Variants in HMBOX1 observed in about 807,000 individuals in gnomAD.
HMBOX1 encodes the protein homeobox containing 1.
Under a neutral mutation model 54.5 loss-of-function variants are expected in HMBOX1, and 14 were observed. The observed-to-expected ratio is 0.26, with a 90% CI of 0.17 to 0.40. The LOEUF is 0.40. HMBOX1 is among the 10% of genes least tolerant of loss of function. The probability of loss-of-function intolerance (pLI) is 1.00; values close to 1 mark genes in which losing one functional copy is unlikely to be tolerated. For missense variants in HMBOX1, 332 were observed against 514.4 expected (o/e 0.65, Z 3.43); for synonymous variants, 160 against 181.0 (o/e 0.88, Z 0.93).
intron 6 of HMBOX1, among the ~76,000 whole-genome samples, chr8:29,028,415 G>T (rs760502590): frequency 6.6e-6 from 1 of 152,158 alleles, no homozygotes; most frequent in Admixed American, 6.5e-5. Context: ...CTTGTAAAGC[G>T]ATTTCTAGAA....
intron 1 of HMBOX1, among the ~76,000 whole-genome samples, chr8:28,937,269 C>G (rs772517732): frequency 3.9e-5 from 6 of 152,168 alleles, no homozygotes; most frequent in Non-Finnish European, 8.8e-5. Flanking sequence ...CTGTTTTTCT[C>G]ATTATCAGTT....
chr8:28,954,876 T>C (rs1478902855), intron 1 of HMBOX1, among the ~76,000 whole-genome samples: 1 of 152,198 alleles, frequency 6.6e-6, no homozygotes, highest in Non-Finnish European at 1.5e-5. Flanking sequence ...TTACTTTTTT[T>C]CTGTACCTTA....
At position 28,890,615 on chromosome 8, in the gene HMBOX1, C is replaced by T. The variant is rs1028298753; in HGVS notation, c.-121C>T. 4.6e-5 allele frequency: 7 copies of T among 152,992 alleles called. No homozygotes were observed. Among genetic ancestry groups the T allele is most frequent in the African/African-American group, 1.2e-4 (5 of 41,456 alleles). The allele number at this position is 152,992 out of a possible 1,614,324, so 9.5% of individuals were successfully genotyped here. ...GCCTTCCCTCCTCCCTATCTCAGCC[C>T]TTCGTACTGGGACGTTGGGGAGGGG... On this transcript the variant is annotated 5_prime_UTR_variant, in exon 1 of 10. Transcript: ENST00000287701.
At chr8:29,021,444 G>GA (rs963588436) in intron 6 of HMBOX1, among the ~76,000 whole-genome samples, 13 of 149,746 alleles carry the variant, frequency 8.7e-5, no homozygotes, top group Middle Eastern at 3.4e-3. Flanking sequence ...AGACAAATTG[G>GA]AAAAAAAAAT....
chr8:28,960,054 A>G (rs1448519588), intron 1 of HMBOX1, among the ~76,000 whole-genome samples: 1 of 151,558 alleles, frequency 6.6e-6, no homozygotes, highest in Non-Finnish European at 1.5e-5. Context: ...TAATTATTTA[A>G]TAGTCTTTCA....
At position 28,963,849 on chromosome 8, in the gene HMBOX1, G is replaced by T; in HGVS notation, c.-19G>T. ...GCAGATCATCTCTGGAAAGGATATT[G>T]ATCCGCCTCATGTAAAGTATGCTTA... On this transcript the variant is annotated 5_prime_UTR_variant, in exon 2 of 10. It removes the in-frame stop codon of an upstream open reading frame in the 5' UTR. Coordinates refer to ENST00000287701, the MANE Select transcript of HMBOX1 (RefSeq NM_001135726.3). 6.3e-7 allele frequency: 1 copy of T among 1,596,206 alleles called. No homozygotes were observed. The highest frequency in any genetic ancestry group is 8.6e-7 in the Non-Finnish European group (1 of 1,168,620).
Position 28,970,651 on chromosome 8 carries a change from C to T in HMBOX1, c.500+132C>T. ...CTCTAGCTATAAGAACTGTAACTTC[C>T]TCCTCCCACCTTTGGAGATGAAAGA... On this transcript the variant is annotated intron_variant, in intron 3 of 9. Transcript: ENST00000287701. The surrounding 1 kb of genome is among the most constrained non-coding windows in gnomAD (Gnocchi z 4.3). 1.7e-6 allele frequency: 1 copy of T among 582,302 alleles called. No homozygotes were observed. Among genetic ancestry groups the T allele is most frequent in the Non-Finnish European group, 3.0e-6 (1 of 333,450 alleles). 36.1% of individuals were successfully genotyped at this position (582,302 alleles called of 1,614,324 possible).
At chr8:29,006,481 A>T (rs895084325) in intron 4 of HMBOX1, among the ~76,000 whole-genome samples, 2 of 152,210 alleles carry the variant, frequency 1.3e-5, no homozygotes, top group African/African-American at 4.8e-5. Flanking sequence ...AGCAGTTATC[A>T]TCTGTTTCCC....
chr8:28,947,271 A>G (rs1476816033), intron 1 of HMBOX1, among the ~76,000 whole-genome samples: 3 of 152,222 alleles, frequency 2.0e-5, no homozygotes, highest in Admixed American at 6.5e-5. Context: ...TTACAGTATC[A>G]TGAGTATTGG....
chr8:29,012,216 T>G (rs2132880222), intron 5 of HMBOX1, among the ~76,000 whole-genome samples: 1 of 152,364 alleles, frequency 6.6e-6, no homozygotes, highest in East Asian at 1.9e-4. Context: ...TTTGTTTTGT[T>G]GACTAAAATA....
intron 1 of HMBOX1, among the ~76,000 whole-genome samples, chr8:28,913,855 C>CTTT (rs1304959910): frequency 1.0e-3 from 106 of 101,252 alleles, no homozygotes; most frequent in African/African-American, 1.4e-3. Context: ...TCAAGTGATT[C>CTTT]TTTTTTTTTT....
chr8:29,047,562 C>CTTTT, intron 8 of HMBOX1, 109 bp downstream of exon 8: 2 of 414,426 alleles, frequency 4.8e-6, no homozygotes, highest in East Asian at 4.4e-5. Context: ...ATCCTAACTT[C>CTTTT]TCTTTTTTTT....
In HMBOX1 at chr8:29,018,896, C is replaced by T. The variant is rs776494585; in HGVS notation, c.834C>T (p.Cys278=). ...GTCGATTTACCTGGAGAAAGGAGTG[C>T]CTGGCTGTTATGGAAAGGTATGTGT... The part of the protein sequence containing the change: ...RGSRFTWRKE[C]LAVMESYFNE... The change falls in exon 6 of 10, where the codon TGC becomes TGT. Residue 278 remains cysteine, a synonymous_variant. Coordinates refer to ENST00000287701, the MANE Select transcript of HMBOX1 (RefSeq NM_001135726.3). 6.2e-7 allele frequency: 1 copy of T among 1,614,070 alleles called. No homozygotes were observed. The highest frequency in any genetic ancestry group is 1.7e-5 in the Admixed American group (1 of 60,024).
chr8:28,943,823 A>G (rs1821904491), intron 1 of HMBOX1, among the ~76,000 whole-genome samples: 4 of 152,190 alleles, frequency 2.6e-5, no homozygotes, highest in Admixed American at 2.6e-4. Flanking sequence ...GTCCTGTATC[A>G]AGGGATTACA....
intron 5 of HMBOX1, among the ~76,000 whole-genome samples, chr8:29,017,079 T>C (rs1338617405): frequency 5.9e-5 from 9 of 152,206 alleles, no homozygotes; most frequent in Admixed American, 2.0e-4. Flanking sequence ...CATGTGGCAT[T>C]TGCTGTGGCT....
intron 8 of HMBOX1, 129 bp downstream of exon 8, chr8:29,047,582 T>C: frequency 1.8e-6 from 1 of 545,296 alleles, no homozygotes; most frequent in Non-Finnish European, 3.3e-6. Context: ...TTTTTTTTTT[T>C]TTGAGACGGA....
chr8:28,905,783 T>C (rs547078803), intron 1 of HMBOX1, among the ~76,000 whole-genome samples: 9 of 152,356 alleles, frequency 5.9e-5, no homozygotes, highest in African/African-American at 2.2e-4. Context: ...TCTGGATTAC[T>C]TTCATATGGG....
intron 1 of HMBOX1, among the ~76,000 whole-genome samples, chr8:28,918,203 A>G (rs1356729285): frequency 1.3e-5 from 2 of 151,812 alleles, no homozygotes; most frequent in East Asian, 3.9e-4. Context: ...TGTTATTTTT[A>G]TTTTTATTTT....
Position 28,906,643 on chromosome 8 carries a change from A to ATGTCCCTCATG in HMBOX1, c.-58+15965_-58+15966insTGTCCCTCATG, listed in dbSNP as rs544524664. Among the ~76,000 whole-genome samples the ATGTCCCTCATG allele has an allele frequency of 3.9e-3, 601 of 152,236 alleles. 2 individuals carry two copies. The highest frequency in any genetic ancestry group is 0.013 in the African/African-American group (549 of 41,536). ...CTCACTCTGTCCCTCAGGCTGGAGT[A>ATGTCCCTCATG]CAGTGGCATGATCTCAGCTCACTGC... is the stretch of plus-strand genomic sequence containing the variant. On this transcript the variant is annotated intron_variant, in intron 1 of 9. Coordinates refer to ENST00000287701, the MANE Select transcript of HMBOX1 (RefSeq NM_001135726.3).
Sources: allele counts gnomAD v4.1 joint callset (sites outside exome capture counted in the v4.1 genomes callset), GRCh38; gene constraint gnomAD v4.1.1; non-coding constraint Gnocchi (gnomAD v3.1); transcripts MANE v1.5; gene names NCBI Gene and HGNC (gene_info 2026-07-23, HGNC 2026-07-21).